AUH: variants seen among roughly 807,000 people sequenced by gnomAD.
The protein encoded by AUH is methylglutaconyl-CoA hydratase, mitochondrial.
Under a neutral mutation model 42.3 loss-of-function variants are expected in AUH, and 29 were observed. The ratio of observed to expected loss-of-function variants is 0.69; its 90% confidence interval spans 0.51 to 0.93. The LOEUF (loss-of-function observed/expected upper bound fraction) is 0.93, where lower values mean the gene tolerates loss of function less well. Among genes scored for constraint, AUH ranks in the 40% least tolerant of loss-of-function variants. AUH has a pLI of 0.00. For missense variants in AUH, 452 were observed against 438.1 expected, an observed-to-expected ratio of 1.03 and a Z score of -0.28; for synonymous variants, 174 against 166.4, an observed-to-expected ratio of 1.05 and a Z score of -0.35.
intron 3 of AUH, among the ~76,000 whole-genome samples, chr9:91,353,643 T>C (rs569536526): frequency 6.6e-6 from 1 of 151,400 alleles, no homozygotes; most frequent in Non-Finnish European, 1.5e-5. Context: ...ATCGAGACCA[T>C]CCTGGCTAAT....
chr9:91,333,925 A>T (rs892711447), intron 3 of AUH, among the ~76,000 whole-genome samples: 5 of 152,242 alleles, frequency 3.3e-5, no homozygotes, highest in Non-Finnish European at 7.3e-5. Context: ...AGCAAAGATC[A>T]GGAATAACTT....
intron 4 of AUH, among the ~76,000 whole-genome samples, chr9:91,324,297 T>G (rs1054667373): frequency 7.5e-5 from 11 of 146,798 alleles, no homozygotes; most frequent in Admixed American, 6.8e-4. Flanking sequence ...GAGGCAGGAG[T>G]TCAAGATCAG....
chr9:91,255,310 TTTG>T (rs1334067598), intron 6 of AUH, among the ~76,000 whole-genome samples: 2 of 152,228 alleles, frequency 1.3e-5, no homozygotes, highest in Non-Finnish European at 2.9e-5. Flanking sequence ...GACTGTATCT[TTTG>T]TTAAGATTTT....
chr9:91,230,088 A>G (rs1827776738), intron 6 of AUH, among the ~76,000 whole-genome samples: 1 of 150,854 alleles, frequency 6.6e-6, no homozygotes, highest in Non-Finnish European at 1.5e-5. Context: ...TATTTCCTGA[A>G]TCTGAATGTT....
intron 1 of AUH, among the ~76,000 whole-genome samples, chr9:91,357,250 C>T (rs569864329): frequency 4.6e-5 from 7 of 152,308 alleles, no homozygotes; most frequent in East Asian, 3.9e-4. Context: ...AGCGAATTAA[C>T]TCATGTAATC....
chr9:91,224,890 A>G (rs1013977695), intron 6 of AUH, among the ~76,000 whole-genome samples: 1 of 152,244 alleles, frequency 6.6e-6, no homozygotes, highest in East Asian at 1.9e-4. Flanking sequence ...TAAAAATGAT[A>G]TAATCTGTTC....
chr9:91,346,501 A>G (rs958008635), intron 3 of AUH, among the ~76,000 whole-genome samples: 1 of 152,142 alleles, frequency 6.6e-6, no homozygotes, highest in African/African-American at 2.4e-5. Context: ...TCTCTTTTAT[A>G]ATAAACTGGT....
chr9:91,290,134 G>C (rs1308116005), intron 6 of AUH, among the ~76,000 whole-genome samples: 1 of 152,208 alleles, frequency 6.6e-6, no homozygotes, highest in Non-Finnish European at 1.5e-5. Context: ...GGACAAAAGA[G>C]GTCAGAGGCA....
Position 91,214,409 on chromosome 9 carries a change from T to C in AUH, c.959A>G (p.Asp320Gly). ...AAAAGCAAGAAGACCTTCAAGTCTG[T>C]CTTTTGTTGGAATGGTCTAAGAAAA... is the stretch of plus-strand genomic sequence containing the variant. ...ACYAQTIPTK[D>G]RLEGLLAFKE... The change falls in exon 10 of 10, where the codon GAC becomes GGC. Residue 320 changes from aspartate to glycine, a missense_variant. By Grantham distance (94) the Asp-to-Gly change is moderately conservative. Transcript: ENST00000375731. 6.2e-7 allele frequency: 1 copy of C among 1,609,338 alleles called. No individual in the cohort carries two copies. Among genetic ancestry groups the C allele is most frequent in the Non-Finnish European group, 8.5e-7 (1 of 1,177,636 alleles).
intron 6 of AUH, among the ~76,000 whole-genome samples, chr9:91,236,370 C>T (rs964598574): frequency 2.0e-5 from 3 of 152,116 alleles, no homozygotes; most frequent in Admixed American, 6.5e-5. Context: ...CATAACACTA[C>T]GTAAATCCTC....
chr9:91,322,870 C>T (rs1829688733), intron 4 of AUH, among the ~76,000 whole-genome samples: 1 of 152,172 alleles, frequency 6.6e-6, no homozygotes, highest in Admixed American at 6.5e-5. Flanking sequence ...ATGGCCACCG[C>T]AGCATTAGTA....
At chr9:91,342,970 TCTTC>T (rs773789574) in intron 3 of AUH, 2 of 152,238 alleles carry the variant, frequency 1.3e-5, no homozygotes, top group Non-Finnish European at 2.9e-5. Flanking sequence ...ATGTATTTTC[TCTTC>T]CTTATGGTTT....
chr9:91,216,114 T>C lies in AUH; in HGVS notation c.895-8A>G. ...CCCTGTTACTAAATCGACCTGAGAA[T>C]AAAAACATAATCCATTTCAGCAGAA... On this transcript the variant is annotated splice_polypyrimidine_tract_variant and splice_region_variant and intron_variant, in intron 8 of 9. Transcript: ENST00000375731. 6.2e-7 allele frequency: 1 copy of C among 1,611,596 alleles called. No individual in the cohort carries two copies. The highest frequency in any genetic ancestry group is 1.1e-5 in the South Asian group (1 of 91,050).
chr9:91,271,561 G>A (rs1019736014), intron 6 of AUH, among the ~76,000 whole-genome samples: 1 of 152,202 alleles, frequency 6.6e-6, no homozygotes, highest in African/African-American at 2.4e-5. Flanking sequence ...TGTAAGTGAG[G>A]AAAGAAGACT....
intron 6 of AUH, among the ~76,000 whole-genome samples, chr9:91,240,995 G>A (rs1358107249): frequency 6.6e-6 from 1 of 152,150 alleles, no homozygotes; most frequent in Non-Finnish European, 1.5e-5. Flanking sequence ...AGCGATAAGT[G>A]CGTTCTGTGG....
intron 9 of AUH, among the ~76,000 whole-genome samples, chr9:91,215,053 G>A (rs899988645): frequency 2.0e-5 from 3 of 152,108 alleles, no homozygotes; most frequent in Non-Finnish European, 4.4e-5. Context: ...ATGACAGGTG[G>A]TGATTTATAT....
At chr9:91,316,761 C>A (rs1402478284) in intron 4 of AUH, among the ~76,000 whole-genome samples, 2 of 152,182 alleles carry the variant, frequency 1.3e-5, no homozygotes, top group African/African-American at 4.8e-5. Flanking sequence ...CCTGTATGTA[C>A]TTATCAATGC....
intron 6 of AUH, among the ~76,000 whole-genome samples, chr9:91,290,272 C>T (rs747311450): frequency 5.3e-5 from 8 of 152,038 alleles, no homozygotes; most frequent in Non-Finnish European, 8.8e-5. Flanking sequence ...AGAAAATTAG[C>T]CGAGTGCAGT....
At chr9:91,217,672 T>C (rs1323434058) in intron 7 of AUH, among the ~76,000 whole-genome samples, 3 of 152,196 alleles carry the variant, frequency 2.0e-5, no homozygotes, top group Non-Finnish European at 2.9e-5. Context: ...TTTGCCTCAG[T>C]ACCACACCAA....
Sources: allele counts gnomAD v4.1 joint callset (sites outside exome capture counted in the v4.1 genomes callset), GRCh38; gene constraint gnomAD v4.1.1; transcripts MANE v1.5; gene names NCBI Gene and HGNC (gene_info 2026-07-23, HGNC 2026-07-21).